The following MCC variants were observed in gnomAD, a reference collection of about 807,000 sequenced individuals.
The protein encoded by MCC is colorectal mutant cancer protein.
A neutral mutation model predicts 116.2 loss-of-function variants in MCC; 90 were observed. The observed-to-expected ratio is 0.77, with a 90% CI of 0.65 to 0.92. The LOEUF is 0.92. MCC is among the 40% of genes least tolerant of loss of function. MCC has a pLI of 0.00. For missense variants in MCC, 1,516 were observed against 1,312.2 expected, an observed-to-expected ratio of 1.16 and a Z score of -2.40; for synonymous variants, 578 against 510.5, an observed-to-expected ratio of 1.13 and a Z score of -1.78.
At chr5:113,292,273 A>C (rs1243720125) in intron 3 of MCC, among the ~76,000 whole-genome samples, 1 of 152,114 alleles carries the variant, frequency 6.6e-6, no homozygotes. Context: ...TAGTGCAGAA[A>C]GTAAAAATAA....
intron 5 of MCC, among the ~76,000 whole-genome samples, chr5:113,133,130 T>TA (rs1275877866): frequency 6.6e-6 from 1 of 152,178 alleles, no homozygotes; most frequent in African/African-American, 2.4e-5. Context: ...CTTCAACATG[T>TA]ATCTTTTCTT....
chr5:113,215,207 T>C (rs544721433), intron 3 of MCC, among the ~76,000 whole-genome samples: 10 of 152,344 alleles, frequency 6.6e-5, no homozygotes, highest in African/African-American at 1.2e-4. Flanking sequence ...CAGACTTCCA[T>C]GTTCAACTAC....
chr5:113,300,867 G>T (rs1766845287), intron 3 of MCC, among the ~76,000 whole-genome samples: 1 of 152,120 alleles, frequency 6.6e-6, no homozygotes, highest in Non-Finnish European at 1.5e-5. Context: ...ACTACAACAT[G>T]AAGAACTCAG....
At chr5:113,264,141 A>G (rs1327745055) in intron 3 of MCC, among the ~76,000 whole-genome samples, 1 of 152,240 alleles carries the variant, frequency 6.6e-6, no homozygotes, top group Non-Finnish European at 1.5e-5. Flanking sequence ...AATATCCACT[A>G]AAAACTGCTT....
chr5:113,487,140 G>T (rs1772553582), intron 1 of MCC, among the ~76,000 whole-genome samples: 1 of 151,168 alleles, frequency 6.6e-6, no homozygotes, highest in Non-Finnish European at 1.5e-5. Flanking sequence ...AAATTGCGTT[G>T]AGTCCCAAAT....
At chr5:113,274,347 G>A (rs1473806553) in intron 3 of MCC, among the ~76,000 whole-genome samples, 1 of 152,098 alleles carries the variant, frequency 6.6e-6, no homozygotes, top group Non-Finnish European at 1.5e-5. Flanking sequence ...ATTTAATTTT[G>A]ACTAAAGATA....
At chr5:113,332,416 A>G (rs1767720768) in intron 3 of MCC, among the ~76,000 whole-genome samples, 1 of 151,470 alleles carries the variant, frequency 6.6e-6, no homozygotes, top group Non-Finnish European at 1.5e-5. Context: ...TGATTTAAAG[A>G]AGGATAGAAG....
chr5:113,098,264 C>T (rs1030083179), intron 8 of MCC, among the ~76,000 whole-genome samples: 1 of 152,134 alleles, frequency 6.6e-6, no homozygotes, highest in African/African-American at 2.4e-5. Context: ...TGCCATCACA[C>T]GACTCTCTGG....
chr5:113,101,422 C>T, intron 8 of MCC: 1 of 284,492 alleles, frequency 3.5e-6, no homozygotes, highest in East Asian at 7.7e-5. Context: ...TTAGTTTATC[C>T]TAAAGAACAT....
intron 1 of MCC, among the ~76,000 whole-genome samples, chr5:113,418,228 A>G (rs1455923518): frequency 6.6e-6 from 1 of 152,194 alleles, no homozygotes; most frequent in Non-Finnish European, 1.5e-5. Flanking sequence ...ATAGGGGTAC[A>G]CGTTGTGCAC....
intron 1 of MCC, among the ~76,000 whole-genome samples, chr5:113,392,629 C>G (rs947661095): frequency 6.6e-6 from 1 of 151,936 alleles, no homozygotes; most frequent in African/African-American, 2.4e-5. Flanking sequence ...TCTGTAACAG[C>G]AAAGAATTGA....
rs184371767 is a variant in MCC at position 113,204,840 on chromosome 5, A to G, written c.628-53418T>C. 2.0e-5 allele frequency among the ~76,000 whole-genome samples: 3 copies of G among 152,368 alleles called. No individual in the cohort carries two copies. The East Asian group carries it at 5.8e-4, about 29-fold the overall frequency. ...TCAAGGTGGATTAGTCTGGAAAACT[A>G]AACAATCAGTTTTGAAGTCTTACTT... On this transcript the variant is annotated intron_variant, in intron 3 of 18. Transcript: ENST00000408903.
At chr5:113,313,937 C>T (rs980804756) in intron 3 of MCC, among the ~76,000 whole-genome samples, 8 of 152,154 alleles carry the variant, frequency 5.3e-5, no homozygotes, top group Admixed American at 5.2e-4. Flanking sequence ...CCTCCCGCTT[C>T]GGCCTCCCAA....
At chr5:113,069,101 C>T (rs1415211942) in intron 12 of MCC, among the ~76,000 whole-genome samples, 2 of 152,228 alleles carry the variant, frequency 1.3e-5, no homozygotes, top group Admixed American at 6.5e-5. Flanking sequence ...TCCTCCATTG[C>T]AGTAGCCATA....
intron 3 of MCC, chr5:113,294,654 G>C (rs1265724453): frequency 1.8e-6 from 2 of 1,091,948 alleles, no homozygotes; most frequent in Non-Finnish European, 2.2e-6. Flanking sequence ...GAGCCCGCGC[G>C]GGGACCCTCC....
At chr5:113,036,328 G>A (rs999894517) in intron 17 of MCC, among the ~76,000 whole-genome samples, 13 of 152,220 alleles carry the variant, frequency 8.5e-5, no homozygotes, top group Middle Eastern at 3.4e-3. Context: ...GTGAGCCACC[G>A]CGCCTGGCCT....
chr5:113,476,422 G>T (rs953406322), intron 1 of MCC, among the ~76,000 whole-genome samples: 2 of 152,126 alleles, frequency 1.3e-5, no homozygotes, highest in Non-Finnish European at 2.9e-5. Flanking sequence ...TTTGACAAGG[G>T]TGTCAAGAAA....
intron 8 of MCC, among the ~76,000 whole-genome samples, chr5:113,090,717 G>A (rs1482004955): frequency 6.6e-6 from 1 of 152,196 alleles, no homozygotes; most frequent in East Asian, 1.9e-4. Flanking sequence ...GAGAACAGAG[G>A]CTTTCAGAGG....
At chr5:113,302,236 A>G (rs1280107991) in intron 3 of MCC, among the ~76,000 whole-genome samples, 1 of 152,234 alleles carries the variant, frequency 6.6e-6, no homozygotes, top group Non-Finnish European at 1.5e-5. Context: ...TTTTACATGA[A>G]GAAATGTTAC....
Sources: allele counts gnomAD v4.1 joint callset (sites outside exome capture counted in the v4.1 genomes callset), GRCh38; gene constraint gnomAD v4.1.1; transcripts MANE v1.5; gene names NCBI Gene and HGNC (gene_info 2026-07-23, HGNC 2026-07-21).